Variants in SCHIP1 observed in about 807,000 individuals in gnomAD.
SCHIP1 encodes the protein schwannomin interacting protein 1, also known as schwannomin-interacting protein 1.
A neutral mutation model predicts 29.7 loss-of-function variants in SCHIP1; 8 were observed. That is an observed-to-expected ratio of 0.27 (90% CI 0.16 to 0.49). The LOEUF is 0.49. Among genes scored for constraint, SCHIP1 ranks in the 20% least tolerant of loss-of-function variants. The pLI is 0.99. For synonymous variants in SCHIP1, 76 were observed against 94.9 expected, an observed-to-expected ratio of 0.80 and a Z score of 1.16; for missense variants, 193 against 294.6, an observed-to-expected ratio of 0.66 and a Z score of 2.52.
At chr3:159,437,051 T>C in the SCHIP1 span, among the ~76,000 whole-genome samples, 14 of 152,122 alleles carry the variant, frequency 9.2e-5, no homozygotes, top group African/African-American at 3.4e-4. Context: ...CACTTCTAAC[T>C]CCTGCTGGCC....
intron 2 of SCHIP1, among the ~76,000 whole-genome samples, chr3:159,884,897 G>A (rs916786847): frequency 6.6e-6 from 1 of 152,130 alleles, no homozygotes; most frequent in Non-Finnish European, 1.5e-5. Context: ...TGAGGGTAGG[G>A]AGCAAATAGA....
the SCHIP1 span, among the ~76,000 whole-genome samples, chr3:159,431,236 C>A: frequency 6.6e-6 from 1 of 151,824 alleles, no homozygotes; most frequent in East Asian, 1.9e-4. Flanking sequence ...CCTTAAAGGT[C>A]GAGGGAGAAT....
the SCHIP1 span, among the ~76,000 whole-genome samples, chr3:159,598,963 G>A: frequency 6.6e-6 from 1 of 151,492 alleles, no homozygotes; most frequent in African/African-American, 2.4e-5. Flanking sequence ...AGAAGGAAAT[G>A]ACATTCTTTG....
the SCHIP1 span, among the ~76,000 whole-genome samples, chr3:159,313,641 T>C: frequency 6.6e-6 from 1 of 152,184 alleles, no homozygotes; most frequent in African/African-American, 2.4e-5. Context: ...CAGGTACAGT[T>C]ATCAAAGTAA....
the SCHIP1 span, among the ~76,000 whole-genome samples, chr3:159,776,239 A>AT: frequency 3.3e-5 from 5 of 151,498 alleles, no homozygotes; most frequent in Admixed American, 3.3e-4. Context: ...ATTGCAGACA[A>AT]TTTTTTTTCT....
the SCHIP1 span, among the ~76,000 whole-genome samples, chr3:159,510,085 G>C: frequency 1.9e-4 from 29 of 152,168 alleles, no homozygotes; most frequent in Middle Eastern, 3.4e-3. Context: ...TTCCATTCTC[G>C]CCATCACTTG....
At chr3:159,713,648 G>A in the SCHIP1 span, among the ~76,000 whole-genome samples, 1 of 152,220 alleles carries the variant, frequency 6.6e-6, no homozygotes, top group African/African-American at 2.4e-5. Context: ...GAATCTGCTA[G>A]AAGCATCCTT....
rs1440922016 is a variant in SCHIP1, at chr3:159,842,997, C to CTTTTTTTTT, written c.30+2786_30+2787insTTTTTTTTT. On this transcript the variant is annotated intron_variant, in intron 1 of 6. Coordinates refer to ENST00000445224, the Ensembl canonical transcript of SCHIP1. ...GCTCTCCAGTTCTATCCCAATATTT[C>CTTTTTTTTT]TTTCTTTTTTTTTTTTTTTTTTTTT... 9.0e-3 allele frequency among the ~76,000 whole-genome samples: 557 copies of CTTTTTTTTT among 61,630 alleles called. 91 individuals are homozygous for CTTTTTTTTT. Among genetic ancestry groups the CTTTTTTTTT allele is most frequent in the Middle Eastern group, 0.02 (2 of 98 alleles). 40.4% of individuals were successfully genotyped at this position (61,630 alleles called of 152,430 possible). A position where few individuals can be genotyped will look rare whatever the true frequency, so the allele number is the denominator to read the frequency against.
intron 1 of SCHIP1, among the ~76,000 whole-genome samples, chr3:159,840,854 A>G (rs1208857445): frequency 1.3e-5 from 2 of 152,260 alleles, no homozygotes; most frequent in East Asian, 1.9e-4. Context: ...CTAATTTGCT[A>G]CTGGAGTTAT....
chr3:159,444,433 A>G, the SCHIP1 span, among the ~76,000 whole-genome samples: 5 of 152,150 alleles, frequency 3.3e-5, no homozygotes, highest in Non-Finnish European at 7.4e-5. Context: ...CCCTGGAGAA[A>G]TGGCAGCACA....
At chr3:159,396,334 T>C in the SCHIP1 span, among the ~76,000 whole-genome samples, 2 of 149,462 alleles carry the variant, frequency 1.3e-5, no homozygotes, top group Non-Finnish European at 3.0e-5. Flanking sequence ...AAAGTTAATA[T>C]TGTTATGTGT....
chr3:159,814,083 G>A, the SCHIP1 span, among the ~76,000 whole-genome samples: 3 of 152,184 alleles, frequency 2.0e-5, no homozygotes, highest in African/African-American at 7.2e-5. Context: ...GTTGGCAGCT[G>A]ACAGTGCTCA....
At chr3:159,716,161 G>T in the SCHIP1 span, among the ~76,000 whole-genome samples, 1 of 152,192 alleles carries the variant, frequency 6.6e-6, no homozygotes, top group Non-Finnish European at 1.5e-5. Flanking sequence ...AGCTTCATAC[G>T]TGAAGGAGAA....
At chr3:159,682,633 A>G in the SCHIP1 span, among the ~76,000 whole-genome samples, 1 of 152,188 alleles carries the variant, frequency 6.6e-6, no homozygotes, top group East Asian at 1.9e-4. Context: ...AAAAATTAGT[A>G]GAATTGACAG....
the SCHIP1 span, among the ~76,000 whole-genome samples, chr3:159,329,160 T>A: frequency 4.6e-5 from 7 of 152,064 alleles, no homozygotes; most frequent in Admixed American, 3.9e-4. Flanking sequence ...CAAGTAACTA[T>A]GTCCACACCC....
At chr3:159,429,189 G>A in the SCHIP1 span, among the ~76,000 whole-genome samples, 2 of 139,492 alleles carry the variant, frequency 1.4e-5, no homozygotes, top group African/African-American at 2.7e-5. Flanking sequence ...AAAACTTAAA[G>A]TATAATAATA....
At chr3:159,682,608 A>T in the SCHIP1 span, among the ~76,000 whole-genome samples, 1 of 152,202 alleles carries the variant, frequency 6.6e-6, no homozygotes, top group Non-Finnish European at 1.5e-5. Context: ...AAGTCTCCTG[A>T]GGACATTATT....
At chr3:159,616,166 T>G in the SCHIP1 span, among the ~76,000 whole-genome samples, 1 of 152,242 alleles carries the variant, frequency 6.6e-6, no homozygotes, top group Non-Finnish European at 1.5e-5. Context: ...TTACAAGCTC[T>G]GGGGCAAGAT....
chr3:159,540,844 A>C, the SCHIP1 span, among the ~76,000 whole-genome samples: 7 of 152,128 alleles, frequency 4.6e-5, no homozygotes, highest in African/African-American at 1.7e-4. Flanking sequence ...TTAACAATGC[A>C]ACAATGCATC....
Sources: gnomAD v4.1 joint callset for allele counts (sites outside exome capture counted in the v4.1 genomes callset) on GRCh38, gnomAD v4.1.1 for gene constraint, MANE v1.5 for transcripts, NCBI Gene and HGNC (gene_info 2026-07-23, HGNC 2026-07-21) for gene names.